TRIM22: variants seen among roughly 807,000 people sequenced by gnomAD.
TRIM22 encodes the protein E3 ubiquitin-protein ligase TRIM22.
In TRIM22, 45 loss-of-function variants were observed where a neutral mutation model predicts 53.6. The ratio of observed to expected loss-of-function variants is 0.84; its 90% CI spans 0.66 to 1.08. The LOEUF (loss-of-function observed/expected upper bound fraction) is 1.08. TRIM22 is among the 50% of genes least tolerant of loss of function. The pLI, the probability that TRIM22 is intolerant of heterozygous loss-of-function variation, is 0.00. For synonymous variants in TRIM22, 225 were observed against 216.6 expected (o/e 1.04, Z -0.34); for missense variants, 616 against 590.9 (o/e 1.04, Z -0.44).
Position 5,709,666 on chromosome 11 carries a change from C to A in TRIM22, c.*18C>A. On this transcript the variant is annotated 3_prime_UTR_variant, in exon 8 of 8. Transcript: ENST00000379965. Reference sequence around the variant, plus strand: ...GCTCCTGAGTGTTCTCATTCCTTTACCCACTTCTGCATAGTAGCCCTTGTG... The same window carrying A: ...GCTCCTGAGTGTTCTCATTCCTTTAACCACTTCTGCATAGTAGCCCTTGTG... The A allele has an allele frequency of 6.3e-7, 1 of 1,589,528 alleles. No homozygotes were observed. Among genetic ancestry groups the A allele is most frequent in the Non-Finnish European group, 8.5e-7 (1 of 1,170,634 alleles).
At chr11:5,691,702 T>G (rs889780869) in intron 1 of TRIM22, among the ~76,000 whole-genome samples, 1 of 152,194 alleles carries the variant, frequency 6.6e-6, no homozygotes, top group African/African-American at 2.4e-5. Flanking sequence ...CCTACTCAAT[T>G]TTCCCTTGCA....
In TRIM22 at chr11:5,709,214, T is replaced by C; in HGVS notation, c.1063T>C (p.Tyr355His). The change falls in exon 8 of 8, where the codon TAT becomes CAT. Residue 355 changes from tyrosine (Y) to histidine (H), a missense_variant. Coordinates refer to ENST00000379965, the MANE Select transcript of TRIM22 (RefSeq NM_006074.5). Reference protein sequence around the residue: ...FGCQYFSSGKYYWEVDVSGKI... With the variant: ...FGCQYFSSGKHYWEVDVSGKI... ...CTGCCAATATTTCTCTTCGGGGAAATATTACTGGGAAGTAGATGTGTCTGG... is the reference window on the plus strand; with the variant it reads ...CTGCCAATATTTCTCTTCGGGGAAACATTACTGGGAAGTAGATGTGTCTGG... The C allele has an allele frequency of 6.2e-7, 1 of 1,614,186 alleles. No individual in the cohort carries two copies. The highest frequency in any genetic ancestry group is 8.5e-7 in the Non-Finnish European group (1 of 1,180,044).
intron 4 of TRIM22, among the ~76,000 whole-genome samples, chr11:5,698,992 TTTAAC>T (rs1329220201): frequency 6.6e-6 from 1 of 152,244 alleles, no homozygotes; most frequent in Admixed American, 6.5e-5. Flanking sequence ...ATCTGGCATC[TTTAAC>T]TTAGCATAAT....
chr11:5,698,298 C>G lies in TRIM22; in HGVS notation c.520-17C>G, dbSNP rs1301765159. The G allele has an allele frequency of 6.2e-7, 1 of 1,609,366 alleles. No individual in the cohort carries two copies. Among genetic ancestry groups the G allele is most frequent in the Non-Finnish European group, 8.5e-7 (1 of 1,175,912 alleles). On this transcript the variant is annotated splice_polypyrimidine_tract_variant and intron_variant, in intron 3 of 7. Transcript: ENST00000379965. ...AACCAGCCAGACTGACTGCCTCTTT[C>G]TCTTTTCATTCCCAAGAATTATATC... is the stretch of plus-strand genomic sequence containing the variant.
intron 1 of TRIM22, among the ~76,000 whole-genome samples, chr11:5,693,492 G>A (rs142530624): frequency 0.02 from 3,061 of 151,658 alleles, 114 homozygotes; most frequent in African/African-American, 0.069. Flanking sequence ...AGGCCGAGGC[G>A]GGCAGATCAT....
rs150812365 is a variant in TRIM22 at position 5,708,362 on chromosome 11, T to C, written c.874+89T>C. The C allele has an allele frequency of 3.3e-4, 413 of 1,247,998 alleles. 1 individual carries two copies. In the African/African-American group the frequency reaches 5.3e-3, roughly 16 times the overall value. 77.3% of individuals were successfully genotyped at this position (1,247,998 alleles called of 1,614,324 possible). On this transcript the variant is annotated intron_variant, in intron 6 of 7. Coordinates refer to ENST00000379965, the MANE Select transcript of TRIM22 (RefSeq NM_006074.5). ...CGGGAGGTTTTTTTAGGTTAGGATA[T>C]AGGAGAGGAGGTGGGCCAGAGAAGG...
intron 4 of TRIM22, among the ~76,000 whole-genome samples, chr11:5,705,775 A>G (rs1479977876): frequency 2.6e-5 from 4 of 152,230 alleles, no homozygotes; most frequent in African/African-American, 9.6e-5. Context: ...GATGATGACT[A>G]AGTGGATATT....
intron 4 of TRIM22, among the ~76,000 whole-genome samples, chr11:5,702,803 A>G (rs1271141193): frequency 6.6e-6 from 1 of 152,186 alleles, no homozygotes; most frequent in Non-Finnish European, 1.5e-5. Flanking sequence ...TTTCAGACAT[A>G]TACTCTTCTT....
At position 5,709,760 on chromosome 11, in the gene TRIM22, T is replaced by C. The variant is rs750675745; in HGVS notation, c.*112T>C. On this transcript the variant is annotated 3_prime_UTR_variant, in exon 8 of 8. Coordinates refer to ENST00000379965, the MANE Select transcript of TRIM22 (RefSeq NM_006074.5). Reference sequence around the variant, plus strand: ...ATCTCTTCCTTTCTTTCCCCTTCTTTTACTTAGAATGTCTTTGTATTCATT... The same window carrying C: ...ATCTCTTCCTTTCTTTCCCCTTCTTCTACTTAGAATGTCTTTGTATTCATT... 1.3e-4 allele frequency: 122 copies of C among 935,772 alleles called. No homozygotes were observed. The highest frequency in any genetic ancestry group is 1.9e-4 in the Non-Finnish European group (120 of 621,650). The allele number at this position is 935,772 out of a possible 1,614,324, so 58.0% of individuals were successfully genotyped here.
intron 4 of TRIM22, among the ~76,000 whole-genome samples, chr11:5,699,052 C>G (rs1051499303): frequency 2.0e-5 from 3 of 152,116 alleles, no homozygotes; most frequent in Non-Finnish European, 4.4e-5. Flanking sequence ...GCATTTTGCT[C>G]TTATTGCTAA....
In TRIM22 at chr11:5,698,415, A is replaced by G; in HGVS notation, c.620A>G (p.Glu207Gly). 1 of 1,614,204 alleles carries G rather than the reference A, an allele frequency of 6.2e-7. No homozygotes were observed. The change falls in exon 4 of 8, where the codon GAA becomes GGA. Residue 207 changes from glutamate (E) to glycine (G), a missense_variant. Glu to Gly is a moderately conservative substitution (Grantham distance 98, BLOSUM62 -2). Coordinates refer to ENST00000379965, the MANE Select transcript of TRIM22 (RefSeq NM_006074.5). ...EEQRELQKLE[E>G]GEVNVLDNLA... is the part of the protein sequence containing the mutation. ...CAGAGAGAGCTGCAAAAGCTGGAGG[A>G]AGGTGAGGTGAATGTGCTGGATAAC...
intron 4 of TRIM22, among the ~76,000 whole-genome samples, chr11:5,704,273 C>T (rs1351909929): frequency 1.3e-5 from 2 of 151,364 alleles, no homozygotes; most frequent in African/African-American, 4.9e-5. Flanking sequence ...CTTTATTGCA[C>T]TTGATAAAAC....
At position 5,709,257 on chromosome 11, in the gene TRIM22, T is replaced by C. The variant is rs1423387911; in HGVS notation, c.1106T>C (p.Leu369Pro). The C allele has an allele frequency of 1.2e-6, 2 of 1,614,202 alleles. No homozygotes were observed. Among genetic ancestry groups the C allele is most frequent in the East Asian group, 4.5e-5 (2 of 44,886 alleles). ...GTGTCTGGAAAGATTGCCTGGATCC[T>C]GGGCGTACACAGTAAAATAAGTAGT... ...VDVSGKIAWI[L>P]GVHSKISSLN... Residue 369 changes from leucine to proline, a missense_variant, in exon 8 of 8, where the codon CTG becomes CCG. By Grantham distance (98) the Leu-to-Pro change is moderately conservative (BLOSUM62 -3). Coordinates refer to ENST00000379965, the MANE Select transcript of TRIM22 (RefSeq NM_006074.5).
intron 4 of TRIM22, among the ~76,000 whole-genome samples, chr11:5,701,121 T>A (rs1853367685): frequency 6.6e-6 from 1 of 152,214 alleles, no homozygotes. Flanking sequence ...CTGTTGAGAA[T>A]TTTTGCATCT....
In TRIM22 at chr11:5,708,081, A is replaced by G. The variant is rs1590320978; in HGVS notation, c.774-92A>G. 2.9e-6 allele frequency: 3 copies of G among 1,048,074 alleles called. No individual in the cohort carries two copies. The East Asian group carries it at 7.2e-5, about 25-fold the overall frequency. The allele number at this position is 1,048,074 out of a possible 1,614,324, so 64.9% of individuals were successfully genotyped here. A position where few individuals can be genotyped will look rare whatever the true frequency, so the allele number is the denominator to read the frequency against. On this transcript the variant is annotated intron_variant, in intron 5 of 7. Coordinates refer to ENST00000379965, the MANE Select transcript of TRIM22 (RefSeq NM_006074.5). ...TCAGGGAAGAGGGTCCAAGTGCGTCAGCAAGTATGGTGAAAGGTGAAAGAG... is the reference window on the plus strand; with the variant it reads ...TCAGGGAAGAGGGTCCAAGTGCGTCGGCAAGTATGGTGAAAGGTGAAAGAG...
At chr11:5,698,566 CCTA>C (rs1853312505) in intron 4 of TRIM22, 21 bp downstream of exon 4, 1 of 1,582,864 alleles carries the variant, frequency 6.3e-7, no homozygotes, top group Admixed American at 1.7e-5. Flanking sequence ...GGATGGAGCA[CCTA>C]CGTAAGAGAT....
rs764138019 is a variant in TRIM22 at position 5,696,518 on chromosome 11, G to A, written c.286G>A (p.Val96Ile). ...CCCACAGGAGGGGCAGAAGAGAGATGTCTGTGAGCACCATGGAAAAAAACT... is the reference window on the plus strand; with the variant it reads ...CCCACAGGAGGGGCAGAAGAGAGATATCTGTGAGCACCATGGAAAAAAACT... ...MSPQEGQKRD[V>I]CEHHGKKLQI... The change falls in exon 2 of 8, where the codon GTC becomes ATC. Residue 96 changes from valine to isoleucine, a missense_variant. Coordinates refer to ENST00000379965, the MANE Select transcript of TRIM22 (RefSeq NM_006074.5). 17 of 1,614,232 alleles carry A rather than the reference G, an allele frequency of 1.1e-5. 1 individual carries two copies. The highest frequency in any genetic ancestry group is 9.3e-6 in the Non-Finnish European group (11 of 1,180,034).
intron 1 of TRIM22, among the ~76,000 whole-genome samples, chr11:5,692,800 A>AG (rs1853193254): frequency 1.5e-5 from 2 of 129,762 alleles, no homozygotes; most frequent in South Asian, 4.7e-4. Context: ...TCTCAAAAAA[A>AG]AAAAAAAAAG....
chr11:5,708,970 T>G, intron 7 of TRIM22, 83 bp from the exon 8 acceptor site: 2 of 1,125,610 alleles, frequency 1.8e-6, no homozygotes, highest in Non-Finnish European at 2.6e-6. Context: ...CGACACAAGT[T>G]TCATTTTCAA....
Sources: allele counts gnomAD v4.1 joint callset (sites outside exome capture counted in the v4.1 genomes callset), GRCh38; gene constraint gnomAD v4.1.1; transcripts MANE v1.5; gene names NCBI Gene and HGNC (gene_info 2026-07-23, HGNC 2026-07-21).